Variants in TFEC observed in about 807,000 individuals in gnomAD.
TFEC encodes transcription factor EC, also known as class E basic helix-loop-helix protein 34.
In TFEC, 31 loss-of-function variants were observed where a neutral mutation model predicts 41.6. That is an observed-to-expected ratio of 0.74 (90% CI 0.56 to 1.01). The LOEUF is 1.01. Ranked by LOEUF, TFEC falls within the 50% of genes least tolerant of loss-of-function variation. The pLI is 0.00. For missense variants in TFEC, 402 were observed against 404.1 expected, an observed-to-expected ratio of 0.99 and a Z score of 0.04; for synonymous variants, 143 against 140.6, an observed-to-expected ratio of 1.02 and a Z score of -0.12.
chr7:116,093,183 C>T (rs893792260), intron 3 of TFEC, among the ~76,000 whole-genome samples: 2 of 152,014 alleles, frequency 1.3e-5, no homozygotes, highest in Non-Finnish European at 2.9e-5. Context: ...AGTAAGAAGA[C>T]GTGACATCCA....
upstream of TFEC, among the ~76,000 whole-genome samples, chr7:116,035,150 A>C (rs1382622365): frequency 6.6e-6 from 1 of 151,862 alleles, no homozygotes; most frequent in Non-Finnish European, 1.5e-5. Flanking sequence ...GATTTTTCTA[A>C]ATTTTATTCC....
At chr7:116,047,731 T>C (rs1796203737) in intron 3 of TFEC, among the ~76,000 whole-genome samples, 1 of 152,128 alleles carries the variant, frequency 6.6e-6, no homozygotes, top group Admixed American at 6.5e-5. Context: ...CTCAAGTAGC[T>C]TAACTGGGAG....
At chr7:116,045,438 T>C (rs1796140756) in intron 3 of TFEC, among the ~76,000 whole-genome samples, 1 of 152,206 alleles carries the variant, frequency 6.6e-6, no homozygotes. Context: ...GTGCCCTGTG[T>C]CCCAGCTGCT....
In TFEC at chr7:115,954,624, A is replaced by G; in HGVS notation, c.401T>C (p.Leu134Ser). The change falls in exon 5 of 8, where the codon TTA becomes TCA. Residue 134 changes from leucine to serine, a missense_variant. Transcript: ENST00000265440. ...REITETDTRA[L>S]AKERQKKDNH... is the part of the protein sequence containing the mutation. ...GTCCTTTTTTTGTCTCTCTTTTGCT[A>G]AAGCTCTAGTGTCAGTTTCTGATCA... The G allele has an allele frequency of 6.2e-7, 1 of 1,611,758 alleles. No homozygotes were observed. The highest frequency in any genetic ancestry group is 8.5e-7 in the Non-Finnish European group (1 of 1,178,934).
intron 3 of TFEC, among the ~76,000 whole-genome samples, chr7:116,079,920 A>G (rs1036544961): frequency 2.6e-5 from 4 of 152,254 alleles, no homozygotes; most frequent in African/African-American, 9.6e-5. Flanking sequence ...ACATTACCCG[A>G]CTTCAAAAGG....
At chr7:116,151,905 T>C (rs756568794) in intron 1 of TFEC, among the ~76,000 whole-genome samples, 4 of 152,142 alleles carry the variant, frequency 2.6e-5, no homozygotes, top group Non-Finnish European at 4.4e-5. Context: ...TAAACAAAGA[T>C]AAAATTTCTA....
At chr7:116,140,478 T>C (rs1393871784) in intron 1 of TFEC, among the ~76,000 whole-genome samples, 4 of 152,234 alleles carry the variant, frequency 2.6e-5, no homozygotes, top group Non-Finnish European at 4.4e-5. Flanking sequence ...GAGAGCCTAG[T>C]AGATCCTCTC....
intron 3 of TFEC, among the ~76,000 whole-genome samples, chr7:116,080,829 TA>T (rs1286250916): frequency 6.6e-6 from 1 of 152,056 alleles, no homozygotes; most frequent in Non-Finnish European, 1.5e-5. Flanking sequence ...CCAGCAATCC[TA>T]CTGCTAGGTA....
At chr7:116,094,237 C>A (rs1215349935) in intron 3 of TFEC, among the ~76,000 whole-genome samples, 1 of 152,148 alleles carries the variant, frequency 6.6e-6, no homozygotes, top group Non-Finnish European at 1.5e-5. Context: ...TTATAAAAGT[C>A]AGAATTGGTT....
intron 4 of TFEC, 101 bp from the exon 5 acceptor site, chr7:115,954,743 G>T: frequency 2.4e-6 from 2 of 832,084 alleles, no homozygotes; most frequent in South Asian, 1.9e-5. Context: ...AATATTATTT[G>T]CTCCAAAACG....
chr7:116,099,655 A>G (rs1393227472), intron 3 of TFEC, among the ~76,000 whole-genome samples: 3 of 152,220 alleles, frequency 2.0e-5, no homozygotes, highest in Non-Finnish European at 4.4e-5. Flanking sequence ...GTCTTAAAAT[A>G]TCAATCTCCA....
At chr7:116,083,467 T>C (rs1279774027) in intron 3 of TFEC, among the ~76,000 whole-genome samples, 2 of 151,944 alleles carry the variant, frequency 1.3e-5, no homozygotes, top group South Asian at 2.1e-4. Flanking sequence ...TTTTCTCCTA[T>C]TGTGATCATC....
chr7:115,963,102 T>G (rs1450190866), intron 3 of TFEC, among the ~76,000 whole-genome samples: 1 of 151,688 alleles, frequency 6.6e-6, no homozygotes, highest in Non-Finnish European at 1.5e-5. Context: ...ACATGCAGTG[T>G]TTGGTTTTCT....
chr7:115,998,512 C>T (rs1264316797), intron 1 of TFEC, among the ~76,000 whole-genome samples: 1 of 151,508 alleles, frequency 6.6e-6, no homozygotes, highest in Non-Finnish European at 1.5e-5. Flanking sequence ...ACTAAACTCT[C>T]CAATCAAAAA....
At chr7:115,968,182 C>T in intron 3 of TFEC, 7 of 1,525,478 alleles carry the variant, frequency 4.6e-6, no homozygotes, top group Non-Finnish European at 6.1e-6. Context: ...TATACTTGCT[C>T]ACCAGTTTTA....
At chr7:115,982,750 T>C (rs1158781211) in intron 2 of TFEC, among the ~76,000 whole-genome samples, 1 of 152,152 alleles carries the variant, frequency 6.6e-6, no homozygotes, top group Non-Finnish European at 1.5e-5. Flanking sequence ...ATGAGATTAT[T>C]TGATTGAGAG....
chr7:116,080,682 C>A (rs765082372), intron 3 of TFEC, among the ~76,000 whole-genome samples: 9 of 151,800 alleles, frequency 5.9e-5, no homozygotes, highest in African/African-American at 2.2e-4. Flanking sequence ...ATCAAAAAAT[C>A]AAAAAATAAT....
intron 1 of TFEC, among the ~76,000 whole-genome samples, chr7:116,004,830 T>C (rs1198252105): frequency 1.3e-5 from 2 of 151,376 alleles, no homozygotes; most frequent in African/African-American, 2.4e-5. Context: ...GTATTACTGA[T>C]ATGATTTGGC....
intron 3 of TFEC, among the ~76,000 whole-genome samples, chr7:116,060,035 T>C (rs537196057): frequency 3.9e-5 from 6 of 152,184 alleles, no homozygotes; most frequent in Non-Finnish European, 8.8e-5. Flanking sequence ...TCTTTATTCT[T>C]AGATCACATG....
Sources: allele counts gnomAD v4.1 joint callset (sites outside exome capture counted in the v4.1 genomes callset), GRCh38; gene constraint gnomAD v4.1.1; transcripts MANE v1.5; gene names NCBI Gene and HGNC (gene_info 2026-07-23, HGNC 2026-07-21).